Variants in ANK2 observed in about 807,000 individuals in gnomAD.
ANK2 encodes ankyrin-2.
A neutral mutation model predicts 360.5 loss-of-function variants in ANK2; 83 were observed. The ratio of observed to expected loss-of-function variants is 0.23; its 90% CI spans 0.19 to 0.28. The LOEUF is 0.28. Among genes scored for constraint, ANK2 ranks in the 10% least tolerant of loss-of-function variants. The pLI is 1.00. For missense variants in ANK2, 4,201 were observed against 4,795.7 expected, an observed-to-expected ratio of 0.88 and a Z score of 3.66; for synonymous variants, 1,740 against 1,759.5, an observed-to-expected ratio of 0.99 and a Z score of 0.28.
At chr4:113,316,512 T>C (rs1000138305) in intron 24 of ANK2, among the ~76,000 whole-genome samples, 7 of 152,240 alleles carry the variant, frequency 4.6e-5, no homozygotes, top group African/African-American at 1.7e-4. Context: ...CTAATAAATA[T>C]GCTAATTTAA....
At chr4:113,320,242 A>C (rs2085319976) in intron 26 of ANK2, among the ~76,000 whole-genome samples, 1 of 152,224 alleles carries the variant, frequency 6.6e-6, no homozygotes, top group African/African-American at 2.4e-5. Flanking sequence ...TAAGATAAAG[A>C]TCTTTAAATT....
At chr4:112,713,850 C>T in the ANK2 span, among the ~76,000 whole-genome samples, 2 of 149,266 alleles carry the variant, frequency 1.3e-5, no homozygotes, top group African/African-American at 4.9e-5. Flanking sequence ...ATGGGAATGG[C>T]GTGAACCCGG....
intron 2 of ANK2, among the ~76,000 whole-genome samples, chr4:112,941,610 GATATAAATATGTAAATGTAAAT>G (rs2094216137): frequency 1.4e-5 from 2 of 138,774 alleles, no homozygotes; most frequent in Admixed American, 1.4e-4. Flanking sequence ...TATATAAAAG[GATATAAATATGTAAATGTAAAT>G]ATATAAATAT....
chr4:112,773,019 AT>A, the ANK2 span, among the ~76,000 whole-genome samples: 4 of 152,160 alleles, frequency 2.6e-5, no homozygotes, highest in Non-Finnish European at 4.4e-5. Flanking sequence ...ATTTAGTTTT[AT>A]TAATTTTTAA....
the ANK2 span, among the ~76,000 whole-genome samples, chr4:112,724,940 G>T: frequency 1.3e-5 from 2 of 152,094 alleles, no homozygotes; most frequent in South Asian, 4.2e-4. Flanking sequence ...ATGGATACAC[G>T]AAATGTGGCA....
At chr4:113,191,520 G>A (rs1028973198) in intron 2 of ANK2, among the ~76,000 whole-genome samples, 8 of 152,024 alleles carry the variant, frequency 5.3e-5, no homozygotes, top group African/African-American at 1.4e-4. Context: ...TTTTGCATAC[G>A]TTAATACTTT....
At position 113,357,984 on chromosome 4, in the gene ANK2, G is replaced by T. The variant is rs1449195597; in HGVS notation, c.9366G>T (p.Arg3122Ser). 6.2e-7 allele frequency: 1 copy of T among 1,614,044 alleles called. No individual in the cohort carries two copies. Among genetic ancestry groups the T allele is most frequent in the South Asian group, 1.1e-5 (1 of 91,082 alleles). ...GTGGTGCCATTGATATGACCAAAAG[G>T]TCCTATGCAGATGAAAGTTTTCACT... is the stretch of plus-strand genomic sequence containing the variant. ...TRSGAIDMTKRSYADESFHFF... is the reference protein window; with the variant it reads ...TRSGAIDMTKSSYADESFHFF... Residue 3122 changes from arginine to serine, a missense_variant, in exon 38 of 46, where the codon AGG becomes AGT. This residue lies in a region of ANK2 where 2,642 missense variants were observed against 2,714.5 expected (regional missense o/e 0.97). Transcript: ENST00000357077.
At chr4:112,836,279 C>A (rs905706500) in intron 1 of ANK2, among the ~76,000 whole-genome samples, 1 of 152,118 alleles carries the variant, frequency 6.6e-6, no homozygotes, top group Non-Finnish European at 1.5e-5. Context: ...CTTGCTTCCC[C>A]TTCTGCCATG....
At chr4:113,378,411 C>T (rs1042483816) in intron 45 of ANK2, among the ~76,000 whole-genome samples, 1 of 152,146 alleles carries the variant, frequency 6.6e-6, no homozygotes, top group Non-Finnish European at 1.5e-5. Flanking sequence ...ATGAGACTCA[C>T]GCTTACACAG....
intron 4 of ANK2, among the ~76,000 whole-genome samples, chr4:113,215,570 T>C (rs2099076410): frequency 6.6e-6 from 1 of 152,154 alleles, no homozygotes; most frequent in Non-Finnish European, 1.5e-5. Flanking sequence ...AGTTTCATCT[T>C]TTGTGATTAG....
intron 4 of ANK2, among the ~76,000 whole-genome samples, chr4:113,202,102 G>T (rs2098837830): frequency 6.6e-6 from 1 of 151,812 alleles, no homozygotes; most frequent in African/African-American, 2.4e-5. Context: ...ATTATTTCCT[G>T]TATTGAATTT....
intron 26 of ANK2, among the ~76,000 whole-genome samples, chr4:113,326,838 AAAAC>A (rs765955875): frequency 6.6e-6 from 1 of 152,090 alleles, no homozygotes; most frequent in Admixed American, 6.5e-5. Context: ...CCCATCTCTG[AAAAC>A]AAACAAACAA....
intron 1 of ANK2, among the ~76,000 whole-genome samples, chr4:113,120,532 A>G (rs1286324117): frequency 6.6e-6 from 1 of 152,220 alleles, no homozygotes; most frequent in East Asian, 1.9e-4. Context: ...TTTGAAAAAT[A>G]CATAATTTTT....
chr4:113,289,966 C>G (rs1159658281), intron 20 of ANK2, among the ~76,000 whole-genome samples: 1 of 152,136 alleles, frequency 6.6e-6, no homozygotes, highest in Non-Finnish European at 1.5e-5. Flanking sequence ...TTGAAATGAA[C>G]AAATGCAACA....
chr4:113,356,883 A>G lies in ANK2; in HGVS notation c.8265A>G (p.Glu2755=). The G allele has an allele frequency of 1.9e-6, 3 of 1,614,094 alleles. No homozygotes were observed. Among genetic ancestry groups the G allele is most frequent in the Non-Finnish European group, 2.5e-6 (3 of 1,179,990 alleles). Residue 2755 remains glutamate (E), a synonymous_variant, in exon 38 of 46, where the codon GAA becomes GAG. Transcript: ENST00000357077. ...EDRHAVSTEA[E]DRSYDKLNRD... is the part of the protein sequence containing the mutation. ...GTCATGCTGTTTCCACTGAGGCTGA[A>G]GACAGGTCTTATGATAAGCTAAACA...
chr4:113,051,829 A>G (rs1205699597), intron 1 of ANK2, among the ~76,000 whole-genome samples: 1 of 152,178 alleles, frequency 6.6e-6, no homozygotes, highest in Non-Finnish European at 1.5e-5. Context: ...ATATTTTATG[A>G]GGATTAGAAA....
chr4:113,217,720 G>A (rs966530328), intron 4 of ANK2, among the ~76,000 whole-genome samples: 1 of 152,054 alleles, frequency 6.6e-6, no homozygotes, highest in African/African-American at 2.4e-5. Flanking sequence ...CCTCTCCCCC[G>A]CCCCGACTCA....
chr4:113,037,382 A>G (rs529306444), intron 2 of ANK2, among the ~76,000 whole-genome samples: 1 of 152,116 alleles, frequency 6.6e-6, no homozygotes, highest in East Asian at 1.9e-4. Flanking sequence ...AAATACTATT[A>G]TACTTAGTTG....
intron 4 of ANK2, among the ~76,000 whole-genome samples, chr4:113,207,686 C>CAAAAAAAAAAAAAAAAA (rs34818513): frequency 9.8e-6 from 1 of 101,630 alleles, no homozygotes; most frequent in Non-Finnish European, 2.0e-5. Context: ...GATCACAAAG[C>CAAAAAAAAAAAAAAAAA]AAAAAAAAAA....
Sources: gnomAD v4.1 joint callset for allele counts (sites outside exome capture counted in the v4.1 genomes callset) on GRCh38, gnomAD v4.1.1 for gene constraint, gnomAD v4.1.1 regional missense constraint, MANE v1.5 for transcripts, NCBI Gene and HGNC (gene_info 2026-07-23, HGNC 2026-07-21) for gene names.